The following PSMD4 variants were observed in gnomAD, a reference collection of about 807,000 sequenced individuals.
PSMD4 encodes proteasome 26S subunit ubiquitin receptor, non-ATPase 4.
In PSMD4, 5 loss-of-function variants were observed where a neutral mutation model predicts 39.7. That is an observed-to-expected ratio of 0.13 (90% CI 0.07 to 0.26). The LOEUF (loss-of-function observed/expected upper bound fraction) is 0.26, where lower values mean the gene tolerates loss of function less well. PSMD4 is among the 10% of genes least tolerant of loss of function. The pLI is 1.00. For synonymous variants in PSMD4, 143 were observed against 174.6 expected (o/e 0.82, Z 1.43); for missense variants, 272 against 486.1 (o/e 0.56, Z 4.14).
intron 1 of PSMD4, among the ~76,000 whole-genome samples, chr1:151,257,715 C>CTTTTTTTTTT (rs71090149): frequency 0.017 from 1,539 of 88,400 alleles, no homozygotes; most frequent in African/African-American, 0.038. Context: ...ACCTGGCTTT[C>CTTTTTTTTTT]TTTTTTTTTT....
intron 9 of PSMD4, 23 bp from the exon 10 acceptor site, chr1:151,267,150 G>A (rs1157660868): frequency 6.2e-7 from 1 of 1,613,620 alleles, no homozygotes; most frequent in Non-Finnish European, 8.5e-7. Flanking sequence ...ACCCTCCCTT[G>A]AGCTCACACT....
At chr1:151,259,592 G>C (rs1018414435) in intron 1 of PSMD4, among the ~76,000 whole-genome samples, 1 of 151,964 alleles carries the variant, frequency 6.6e-6, no homozygotes, top group African/African-American at 2.4e-5. Context: ...CTTGCCAATA[G>C]AAATGAGATG....
rs587739664 is a variant in PSMD4, at chr1:151,263,806, G to C, written c.168-108G>C. On this transcript the variant is annotated intron_variant, in intron 2 of 9. Coordinates refer to ENST00000368884, the MANE Select transcript of PSMD4 (RefSeq NM_002810.4). ...AGATCACGCCACGCACTCCAGCCTG[G>C]GTGACAGAGTGAGACTCCGTCTAAA... 2.0e-5 allele frequency: 15 copies of C among 757,868 alleles called. No individual in the cohort carries two copies. In the South Asian group the frequency reaches 2.5e-4, roughly 13 times the overall value. 46.9% of individuals were successfully genotyped at this position (757,868 alleles called of 1,614,324 possible).
intron 1 of PSMD4, among the ~76,000 whole-genome samples, chr1:151,256,684 G>C (rs1466227754): frequency 6.7e-6 from 1 of 150,264 alleles, no homozygotes; most frequent in South Asian, 2.1e-4. Context: ...TGATCCACCC[G>C]CCTCAGCCTC....
intron 9 of PSMD4, 95 bp from the exon 10 acceptor site, chr1:151,267,078 A>G: frequency 7.0e-7 from 1 of 1,433,794 alleles, no homozygotes; most frequent in South Asian, 1.2e-5. Context: ...GTCAGAAGGC[A>G]GGGGGCCTCT....
chr1:151,256,375 ATAAAT>A (rs1693170773), intron 1 of PSMD4, among the ~76,000 whole-genome samples: 2 of 148,086 alleles, frequency 1.4e-5, no homozygotes, highest in Admixed American at 6.7e-5. Flanking sequence ...AAATAAATAA[ATAAAT>A]AAATAAATAA....
chr1:151,261,771 T>C (rs757513347), intron 1 of PSMD4, among the ~76,000 whole-genome samples: 3 of 151,850 alleles, frequency 2.0e-5, no homozygotes, highest in African/African-American at 4.8e-5. Context: ...TTGGGCAACA[T>C]AGCTAGATCC....
intron 1 of PSMD4, among the ~76,000 whole-genome samples, chr1:151,256,099 T>C (rs1571064695): frequency 6.6e-6 from 1 of 151,848 alleles, no homozygotes; most frequent in East Asian, 1.9e-4. Flanking sequence ...ATCCCAGCAC[T>C]TTGGAAGGCT....
At chr1:151,266,187 G>A (rs1408309479) in intron 7 of PSMD4, 75 bp downstream of exon 7, 2 of 1,590,000 alleles carry the variant, frequency 1.3e-6, no homozygotes, top group Non-Finnish European at 1.7e-6. Context: ...GCACTGCAGG[G>A]AGAGTGTGGA....
rs181747321 is a variant in PSMD4, at chr1:151,258,695, A to G, written c.27-3466A>G. Among the ~76,000 whole-genome samples, 531 of 152,064 alleles carry G rather than the reference A, an allele frequency of 3.5e-3. 6 individuals carry two copies. Among genetic ancestry groups the G allele is most frequent in the Non-Finnish European group, 5.6e-3 (383 of 67,984 alleles). Reference sequence around the variant, plus strand: ...AGGCTGGTCTCGAACTCTTGGGCTCAAGAGAGCCTCCCTCCTTGGACTCCC... The same window carrying G: ...AGGCTGGTCTCGAACTCTTGGGCTCGAGAGAGCCTCCCTCCTTGGACTCCC... On this transcript the variant is annotated intron_variant, in intron 1 of 9. Transcript: ENST00000368884.
chr1:151,266,993 C>T (rs1693464392), intron 9 of PSMD4, 180 bp from the exon 10 acceptor site: 2 of 779,388 alleles, frequency 2.6e-6, no homozygotes, highest in Non-Finnish European at 4.6e-6. Context: ...GTAATAACTG[C>T]ATTCATGCTG....
At chr1:151,259,126 T>G (rs891591191) in intron 1 of PSMD4, 1 of 152,136 alleles carries the variant, frequency 6.6e-6, no homozygotes, top group Non-Finnish European at 1.5e-5. Flanking sequence ...AGTGGGAAGA[T>G]CTATTGAGCC....
At position 151,262,239 on chromosome 1, in the gene PSMD4, A is replaced by G; in HGVS notation, c.105A>G (p.Ile35Met). The G allele has an allele frequency of 6.2e-7, 1 of 1,614,190 alleles. No individual in the cohort carries two copies. Among genetic ancestry groups the G allele is most frequent in the Non-Finnish European group, 8.5e-7 (1 of 1,180,036 alleles). Residue 35 changes from isoleucine (I) to methionine (M), a missense_variant, in exon 2 of 10, where the codon ATA becomes ATG. Transcript: ENST00000368884. Reference protein sequence around the residue: ...RLQAQQDAVNIVCHSKTRSNP... With the variant: ...RLQAQQDAVNMVCHSKTRSNP... ...AGGCCCAGCAGGATGCTGTCAACAT[A>G]GTTTGTCATTCAAAGACCCGCAGCA...
Position 151,262,175 on chromosome 1 carries a change from A to C in PSMD4, c.41A>C (p.Glu14Ala). 8 of 1,614,132 alleles carry C rather than the reference A, an allele frequency of 5.0e-6. No individual in the cohort carries two copies. The highest frequency in any genetic ancestry group is 6.8e-6 in the Non-Finnish European group (8 of 1,180,024). ...ESTMVCVDNS[E>A]YMRNGDFLPT... ...TAATCTGACAGTGTGGACAACAGTG[A>C]GTATATGCGGAATGGAGACTTCTTA... is the stretch of plus-strand genomic sequence containing the variant. The change falls in exon 2 of 10, where the codon GAG becomes GCG. Residue 14 changes from glutamate (E) to alanine (A), a missense_variant. Transcript: ENST00000368884.
At position 151,261,864 on chromosome 1, in the gene PSMD4, A is replaced by C. The variant is rs1029113979; in HGVS notation, c.27-297A>C. ...CAGCTACTTGGGAGGCTGAGGTGAGAGGATCACTTGAGCCCAGGAGGTGGA... is the reference window on the plus strand; with the variant it reads ...CAGCTACTTGGGAGGCTGAGGTGAGCGGATCACTTGAGCCCAGGAGGTGGA... On this transcript the variant is annotated intron_variant, in intron 1 of 9. Coordinates refer to ENST00000368884, the MANE Select transcript of PSMD4 (RefSeq NM_002810.4). 1.0e-4 allele frequency among the ~76,000 whole-genome samples: 15 copies of C among 150,684 alleles called. No individual in the cohort carries two copies. In the East Asian group the frequency reaches 3.0e-3, roughly 30 times the overall value.
chr1:151,259,694 G>C (rs1693271206), intron 1 of PSMD4, among the ~76,000 whole-genome samples: 1 of 151,660 alleles, frequency 6.6e-6, no homozygotes, highest in Non-Finnish European at 1.5e-5. Flanking sequence ...TTTGTGACTA[G>C]CCTGGGCAAC....
intron 1 of PSMD4, among the ~76,000 whole-genome samples, chr1:151,257,587 T>C (rs1420377491): frequency 1.3e-5 from 2 of 152,040 alleles, no homozygotes; most frequent in African/African-American, 4.8e-5. Flanking sequence ...TTGCTCTGTC[T>C]CCCAGGCTGG....
rs1161862830 is a variant in PSMD4, at chr1:151,266,513, T to G, written c.896-7T>G. On this transcript the variant is annotated splice_region_variant and splice_polypyrimidine_tract_variant and intron_variant, in intron 8 of 9. Coordinates refer to ENST00000368884, the MANE Select transcript of PSMD4 (RefSeq NM_002810.4). ...TGTAACTGAACAGACTGACCTCTCT[T>G]CCTCAGAGTTTGGCCAGGCGGAATC... 4 of 1,614,190 alleles carry G rather than the reference T, an allele frequency of 2.5e-6. No homozygotes were observed. Among genetic ancestry groups the G allele is most frequent in the Non-Finnish European group, 3.4e-6 (4 of 1,180,030 alleles).
At chr1:151,256,096 C>T (rs994492098) in intron 1 of PSMD4, among the ~76,000 whole-genome samples, 5 of 151,684 alleles carry the variant, frequency 3.3e-5, no homozygotes, top group African/African-American at 1.2e-4. Flanking sequence ...GTAATCCCAG[C>T]ACTTTGGAAG....
Sources: allele counts gnomAD v4.1 joint callset (sites outside exome capture counted in the v4.1 genomes callset), GRCh38; gene constraint gnomAD v4.1.1; transcripts MANE v1.5; gene names NCBI Gene and HGNC (gene_info 2026-07-23, HGNC 2026-07-21).